Variants in HDAC9 observed in about 807,000 individuals in gnomAD.
HDAC9 encodes the protein histone deacetylase 9, also known as MEF-2 interacting transcription repressor (MITR) protein.
In HDAC9, 41 loss-of-function variants were observed where a neutral mutation model predicts 139.4. That is an observed-to-expected ratio of 0.29 (90% confidence interval 0.23 to 0.38). The LOEUF (loss-of-function observed/expected upper bound fraction) is 0.38, where lower values mean the gene tolerates loss of function less well. Ranked by LOEUF, HDAC9 falls within the 10% of genes least tolerant of loss-of-function variation. The pLI, the probability that HDAC9 is intolerant of heterozygous loss-of-function variation, is 1.00. For missense variants in HDAC9, 1,147 were observed against 1,297.0 expected, an observed-to-expected ratio of 0.88 and a Z score of 1.78; for synonymous variants, 517 against 476.2, an observed-to-expected ratio of 1.09 and a Z score of -1.12.
chr7:18,224,220 C>T (rs1033008167), intron 2 of HDAC9, among the ~76,000 whole-genome samples: 1 of 152,022 alleles, frequency 6.6e-6, no homozygotes, highest in South Asian at 2.1e-4. Context: ...GAATATTATG[C>T]TAGTTCATGT....
intron 1 of HDAC9, among the ~76,000 whole-genome samples, chr7:18,366,220 G>A (rs1023360283): frequency 6.6e-6 from 1 of 152,128 alleles, no homozygotes; most frequent in Non-Finnish European, 1.5e-5. Context: ...ACTGCTGTAA[G>A]CAAGGCTTGT....
intron 1 of HDAC9, among the ~76,000 whole-genome samples, chr7:18,343,100 A>G (rs1383949271): frequency 6.6e-6 from 1 of 151,824 alleles, no homozygotes; most frequent in African/African-American, 2.4e-5. Context: ...CCTCCTGTAT[A>G]AAATCTCCTG....
At chr7:18,393,488 A>G (rs1357257802) in intron 1 of HDAC9, among the ~76,000 whole-genome samples, 2 of 152,064 alleles carry the variant, frequency 1.3e-5, no homozygotes, top group Admixed American at 6.5e-5. Flanking sequence ...TTTTCTAGAT[A>G]TTTGAAATAT....
chr7:18,561,301 T>G (rs1481720840), intron 2 of HDAC9, among the ~76,000 whole-genome samples: 1 of 152,228 alleles, frequency 6.6e-6, no homozygotes, highest in African/African-American at 2.4e-5. Context: ...GAGCATACTT[T>G]AAAAATTCTA....
intron 17 of HDAC9, chr7:18,807,990 T>C (rs1793862741): frequency 6.6e-6 from 1 of 152,220 alleles, no homozygotes; most frequent in African/African-American, 2.4e-5. Context: ...GATTCTTTTT[T>C]TGTGGATGAT....
At chr7:18,648,432 G>GTGTT in intron 10 of HDAC9, 34 bp from the exon 11 acceptor site, 2 of 1,380,808 alleles carry the variant, frequency 1.4e-6, no homozygotes, top group South Asian at 1.2e-5. Context: ...GTGTGTGTGT[G>GTGTT]TATACACACA....
intron 12 of HDAC9, among the ~76,000 whole-genome samples, chr7:18,683,909 A>C (rs933056861): frequency 6.6e-6 from 1 of 152,062 alleles, no homozygotes; most frequent in African/African-American, 2.4e-5. Context: ...AAGAATACTT[A>C]ACTCATGAAG....
intron 12 of HDAC9, among the ~76,000 whole-genome samples, chr7:18,684,245 C>A (rs1257482102): frequency 6.8e-6 from 1 of 147,890 alleles, no homozygotes; most frequent in African/African-American, 2.6e-5. Flanking sequence ...CAGAGCCAGA[C>A]CCTATCTCAA....
intron 6 of HDAC9, among the ~76,000 whole-genome samples, chr7:18,610,289 G>C (rs988930517): frequency 6.6e-6 from 1 of 152,122 alleles, no homozygotes; most frequent in South Asian, 2.1e-4. Context: ...GTGTCCAGCT[G>C]CTTAGATGAT....
chr7:18,134,085 C>T (rs953425276), intron 1 of HDAC9, among the ~76,000 whole-genome samples: 9 of 151,708 alleles, frequency 5.9e-5, no homozygotes, highest in Admixed American at 4.0e-4. Context: ...TGGTCCATTA[C>T]AACCATTGTG....
intron 12 of HDAC9, among the ~76,000 whole-genome samples, chr7:18,720,414 C>T (rs992651758): frequency 6.6e-6 from 1 of 151,324 alleles, no homozygotes; most frequent in Non-Finnish European, 1.5e-5. Context: ...TTATAGTCTT[C>T]TTAATTTTTC....
intron 1 of HDAC9, among the ~76,000 whole-genome samples, chr7:18,368,948 G>A (rs567886586): frequency 1.1e-4 from 16 of 151,990 alleles, no homozygotes; most frequent in African/African-American, 3.6e-4. Context: ...AATTAAACTT[G>A]TATTCCATCT....
At position 18,242,827 on chromosome 7, in the gene HDAC9, C is replaced by G. The variant is rs187835064; in HGVS notation, c.25+80478C>G. On this transcript the variant is annotated intron_variant, in intron 2 of 12. Coordinates refer to the HDAC9 transcript ENST00000417496. ...AAGAGATTTCTATGAATCTCTTGGT[C>G]TATTATGTACCTTTAGAATGGAAGG... Among the ~76,000 whole-genome samples, 1,094 of 152,182 alleles carry G rather than the reference C, an allele frequency of 7.2e-3. 5 individuals carry two copies. The highest frequency in any genetic ancestry group is 0.012 in the Non-Finnish European group (800 of 68,002).
intron 24 of HDAC9, among the ~76,000 whole-genome samples, chr7:18,968,547 G>GAAAT (rs1784035093): frequency 6.6e-6 from 1 of 152,148 alleles, no homozygotes; most frequent in Non-Finnish European, 1.5e-5. Flanking sequence ...AACAAAATGA[G>GAAAT]TACCGCAGAT....
At chr7:18,176,529 C>T (rs980763775) in intron 2 of HDAC9, among the ~76,000 whole-genome samples, 1 of 152,168 alleles carries the variant, frequency 6.6e-6, no homozygotes, top group African/African-American at 2.4e-5. Context: ...TTAACTAGAT[C>T]TTCCAAAAGC....
At chr7:18,777,270 C>A (rs1316243164) in intron 16 of HDAC9, among the ~76,000 whole-genome samples, 1 of 152,014 alleles carries the variant, frequency 6.6e-6, no homozygotes, top group Non-Finnish European at 1.5e-5. Context: ...AAATTATATA[C>A]AGTACTCCAA....
intron 1 of HDAC9, among the ~76,000 whole-genome samples, chr7:18,323,637 A>T (rs1210519953): frequency 6.6e-6 from 1 of 152,136 alleles, no homozygotes; most frequent in Non-Finnish European, 1.5e-5. Context: ...AGTTTTGGGG[A>T]TCAACAATGA....
rs528552730 is a variant in HDAC9 at position 18,089,017 on chromosome 7, A to G, written c.-97+1804A>G. 6.6e-5 allele frequency among the ~76,000 whole-genome samples: 10 copies of G among 152,348 alleles called. No individual in the cohort carries two copies. In the East Asian group the frequency reaches 1.9e-3, roughly 29 times the overall value. On this transcript the variant is annotated intron_variant, in intron 1 of 12. Transcript: ENST00000417496. ...TTCATATATGTTTTAGCTATTAAAC[A>G]GATGCATGTAAGGTGGCAATCCTGT...
chr7:18,762,964 T>A (rs6979341), intron 15 of HDAC9, among the ~76,000 whole-genome samples: 25,231 of 152,142 alleles, frequency 0.17, 4,162 homozygotes, highest in African/African-American at 0.42. Context: ...TTAGTGACAA[T>A]CCTTATTTTA....
Sources: allele counts gnomAD v4.1 joint callset (sites outside exome capture counted in the v4.1 genomes callset), GRCh38; gene constraint gnomAD v4.1.1; transcripts MANE v1.5; gene names NCBI Gene and HGNC (gene_info 2026-07-23, HGNC 2026-07-21).